SYT1: variants seen among roughly 807,000 people sequenced by gnomAD.
SYT1 encodes synaptotagmin-1.
Under a neutral mutation model 44.8 loss-of-function variants are expected in SYT1, and 8 were observed. That is an observed-to-expected ratio of 0.18 (90% CI 0.10 to 0.32). The LOEUF (loss-of-function observed/expected upper bound fraction) is 0.32, where lower values mean the gene tolerates loss of function less well. Ranked by LOEUF, SYT1 falls within the 10% of genes least tolerant of loss-of-function variation. The pLI is 1.00. For missense variants in SYT1, 286 were observed against 509.3 expected (o/e 0.56, Z 4.22); for synonymous variants, 154 against 188.8 (o/e 0.82, Z 1.51).
At chr12:79,269,743 A>T (rs1347422686) in intron 4 of SYT1, among the ~76,000 whole-genome samples, 1 of 152,046 alleles carries the variant, frequency 6.6e-6, no homozygotes, top group Non-Finnish European at 1.5e-5. Context: ...GCAGTTTCCC[A>T]TGAAGAGTCC....
chr12:79,389,131 C>T (rs1482297809), intron 9 of SYT1, among the ~76,000 whole-genome samples: 3 of 152,162 alleles, frequency 2.0e-5, no homozygotes, highest in Admixed American at 1.3e-4. Flanking sequence ...TGTTCTCATT[C>T]ACATAAACAA....
At chr12:79,265,099 A>G (rs372363949) in intron 4 of SYT1, among the ~76,000 whole-genome samples, 16 of 152,296 alleles carry the variant, frequency 1.1e-4, no homozygotes, top group East Asian at 7.7e-4. Flanking sequence ...TATGAAGTTT[A>G]ACAGGAATTG....
intron 3 of SYT1, among the ~76,000 whole-genome samples, chr12:79,135,773 G>T (rs1869150808): frequency 6.6e-6 from 1 of 152,014 alleles, no homozygotes; most frequent in South Asian, 2.1e-4. Context: ...AGGAAACAGG[G>T]GTCAATGATG....
intron 3 of SYT1, among the ~76,000 whole-genome samples, chr12:79,096,365 CAA>C (rs1417678718): frequency 6.6e-6 from 1 of 151,856 alleles, no homozygotes; most frequent in Admixed American, 6.6e-5. Flanking sequence ...CAAAATATGC[CAA>C]AGAGGTACAC....
At chr12:79,070,038 A>G (rs1160341908) in intron 3 of SYT1, among the ~76,000 whole-genome samples, 1 of 152,114 alleles carries the variant, frequency 6.6e-6, no homozygotes, top group East Asian at 1.9e-4. Context: ...CAAATTTTTC[A>G]AAAGCTAATT....
chr12:79,241,324 G>A (rs1185064687), intron 4 of SYT1, among the ~76,000 whole-genome samples: 1 of 151,964 alleles, frequency 6.6e-6, no homozygotes, highest in Non-Finnish European at 1.5e-5. Context: ...AGGCTGGAGT[G>A]CAGTGGCACG....
At chr12:79,026,268 T>G (rs1172921668) in intron 2 of SYT1, among the ~76,000 whole-genome samples, 3 of 151,612 alleles carry the variant, frequency 2.0e-5, no homozygotes. Flanking sequence ...TCCATAAACA[T>G]GTTCCAAGTA....
chr12:79,446,034 T>TACATATATATATATATATATATATATA (rs1491131045), intron 10 of SYT1, among the ~76,000 whole-genome samples: 1 of 115,542 alleles, frequency 8.7e-6, no homozygotes, highest in Non-Finnish European at 1.8e-5. Flanking sequence ...TATATATATA[T>TACATATATATATATATATATATATATA]TATGCCTAGG....
intron 3 of SYT1, among the ~76,000 whole-genome samples, chr12:79,154,547 A>G (rs1235081254): frequency 6.6e-6 from 1 of 152,058 alleles, no homozygotes; most frequent in Admixed American, 6.6e-5. Flanking sequence ...TGTCAGGTAG[A>G]GATAATGGGG....
At chr12:79,201,726 G>A (rs1026556220) in intron 3 of SYT1, among the ~76,000 whole-genome samples, 6 of 152,074 alleles carry the variant, frequency 3.9e-5, no homozygotes, top group Admixed American at 6.5e-5. Context: ...CTACACAATA[G>A]GAAAAGGTGC....
intron 9 of SYT1, among the ~76,000 whole-genome samples, chr12:79,390,167 T>C (rs2136091482): frequency 6.6e-6 from 1 of 152,198 alleles, no homozygotes; most frequent in Non-Finnish European, 1.5e-5. Flanking sequence ...TCTCCTGACC[T>C]TGTGATCCGC....
chr12:78,972,732 G>A (rs996279328), intron 1 of SYT1, among the ~76,000 whole-genome samples: 1 of 150,652 alleles, frequency 6.6e-6, no homozygotes, highest in Non-Finnish European at 1.5e-5. Flanking sequence ...TTTCACCTTT[G>A]AGTTTTTATG....
chr12:79,355,064 A>G (rs1412504410), intron 9 of SYT1, among the ~76,000 whole-genome samples: 1 of 151,920 alleles, frequency 6.6e-6, no homozygotes, highest in Non-Finnish European at 1.5e-5. Context: ...ATGAGTTCCC[A>G]TCATCATAGA....
chr12:79,081,669 G>A (rs962634307), intron 3 of SYT1, among the ~76,000 whole-genome samples: 11 of 152,074 alleles, frequency 7.2e-5, no homozygotes, highest in African/African-American at 2.7e-4. Context: ...GTGAGCCACG[G>A]TGCCCAGCCC....
At chr12:79,304,617 C>G (rs1397205802) in intron 8 of SYT1, among the ~76,000 whole-genome samples, 1 of 152,062 alleles carries the variant, frequency 6.6e-6, no homozygotes, top group Admixed American at 6.6e-5. Flanking sequence ...TCATAGATTA[C>G]CTTAATTTTT....
chr12:79,384,484 T>C (rs1013710850), intron 9 of SYT1, among the ~76,000 whole-genome samples: 1 of 152,172 alleles, frequency 6.6e-6, no homozygotes, highest in Non-Finnish European at 1.5e-5. Context: ...GTACCTGAAC[T>C]AGGTACAAAA....
At chr12:79,255,990 C>T (rs183366900) in intron 4 of SYT1, among the ~76,000 whole-genome samples, 25 of 152,174 alleles carry the variant, frequency 1.6e-4, no homozygotes, top group Admixed American at 4.6e-4. Flanking sequence ...ATGATTATCC[C>T]AATTTTAAAC....
At chr12:79,067,119 T>C (rs184714400) in intron 3 of SYT1, among the ~76,000 whole-genome samples, 1 of 152,250 alleles carries the variant, frequency 6.6e-6, no homozygotes, top group East Asian at 1.9e-4. Flanking sequence ...TGTGAGATTC[T>C]CCCCCAGCTT....
intron 9 of SYT1, among the ~76,000 whole-genome samples, chr12:79,382,426 T>G (rs1884261979): frequency 6.6e-6 from 1 of 152,096 alleles, no homozygotes; most frequent in African/African-American, 2.4e-5. Flanking sequence ...CACAAACACA[T>G]GCACTCTTCT....
Sources: allele counts gnomAD v4.1 joint callset (sites outside exome capture counted in the v4.1 genomes callset), GRCh38; gene constraint gnomAD v4.1.1; transcripts MANE v1.5; gene names NCBI Gene and HGNC (gene_info 2026-07-23, HGNC 2026-07-21).